UBA5: variants seen among roughly 807,000 people sequenced by gnomAD.
UBA5 encodes ubiquitin-like modifier-activating enzyme 5.
A neutral mutation model predicts 52.9 loss-of-function variants in UBA5; 28 were observed. The observed-to-expected ratio is 0.53, with a 90% CI of 0.39 to 0.73. The LOEUF (loss-of-function observed/expected upper bound fraction) is 0.73, where lower values mean the gene tolerates loss of function less well. Ranked by LOEUF, UBA5 falls within the 30% of genes least tolerant of loss-of-function variation. UBA5 has a pLI of 0.00. For missense variants in UBA5, 388 were observed against 492.7 expected, an observed-to-expected ratio of 0.79 and a Z score of 2.01; for synonymous variants, 135 against 162.1, an observed-to-expected ratio of 0.83 and a Z score of 1.27.
intron 5 of UBA5, 183 bp from the exon 6 acceptor site, chr3:132,670,782 T>C (rs1212403120): frequency 2.4e-6 from 1 of 411,318 alleles, no homozygotes; most frequent in East Asian, 4.2e-5. Flanking sequence ...GTATCATTGA[T>C]GTTATATTCA....
At chr3:132,659,858 G>T, upstream of UBA5, 1 of 1,384,260 alleles carries the variant, frequency 7.2e-7, no homozygotes, top group Non-Finnish European at 9.5e-7. Context: ...AGGCCGGGGT[G>T]GGGTCTGGCT....
At chr3:132,659,554 C>T, upstream of UBA5, 1 of 1,606,122 alleles carries the variant, frequency 6.2e-7, no homozygotes, top group Non-Finnish European at 8.5e-7. Context: ...GGAAGGAAAA[C>T]TCAATGTACA....
At chr3:132,665,926 C>G (rs368560312) in intron 2 of UBA5, 58 bp downstream of exon 2, 28 of 1,610,014 alleles carry the variant, frequency 1.7e-5, no homozygotes, top group Non-Finnish European at 2.3e-5. Context: ...AAAATAACTT[C>G]TGGTGACATA....
rs1938576892 is a variant in UBA5, at chr3:132,671,007, T to C, written c.537T>C (p.Leu179=). ...LEEGKPVDLV[L]SCVDNFEARM... ...AAGGAAAACCTGTTGATCTAGTTCT[T>C]AGCTGTGTGGACAATTTTGAAGCTC... is the stretch of plus-strand genomic sequence containing the variant. Residue 179 remains leucine (L), a synonymous_variant, in exon 6 of 12, where the codon CTT becomes CTC. Transcript: ENST00000356232. The C allele has an allele frequency of 6.2e-7, 1 of 1,613,436 alleles. No homozygotes were observed. The highest frequency in any genetic ancestry group is 8.5e-7 in the Non-Finnish European group (1 of 1,179,554).
In UBA5 at chr3:132,676,261, CAA is replaced by C. The variant is rs529636185; in HGVS notation, c.1132-179_1132-178del. Among the ~76,000 whole-genome samples the C allele has an allele frequency of 5.8e-4, 88 of 152,126 alleles. No homozygotes were observed. The East Asian group carries it at 0.016, about 28-fold the overall frequency. On this transcript the variant is annotated intron_variant, in intron 11 of 11. Transcript: ENST00000356232. The surrounding 1 kb of genome is among the most constrained non-coding windows in gnomAD (Gnocchi z 4.1). ...ATATTGAAATTACTGCCTTGTAAAT[CAA>C]AAGACTGGTGAGGAATGTAAAAGAC... is the stretch of plus-strand genomic sequence containing the variant.
chr3:132,671,584 G>C (rs1938604320), intron 6 of UBA5, among the ~76,000 whole-genome samples, 193 bp from the exon 7 acceptor site: 1 of 152,104 alleles, frequency 6.6e-6, no homozygotes, highest in Non-Finnish European at 1.5e-5. Flanking sequence ...ACTGCGTCTT[G>C]AATACTGTCA....
chr3:132,671,755 G>T (rs375676035), intron 6 of UBA5, 22 bp from the exon 7 acceptor site: 13 of 1,558,512 alleles, frequency 8.3e-6, no homozygotes, highest in Admixed American at 5.9e-5. Context: ...TTTTCCTTAT[G>T]TTTTCACCCA....
chr3:132,677,364 A>G lies in UBA5; in HGVS notation c.*838A>G, dbSNP rs140851958. ...TCTTTAGGCTACTCCTGGATACTTCATTTAAATTTGATTTTCGAGGTAGTG... is the reference window on the plus strand; with the variant it reads ...TCTTTAGGCTACTCCTGGATACTTCGTTTAAATTTGATTTTCGAGGTAGTG... On this transcript the variant is annotated 3_prime_UTR_variant, in exon 12 of 12. Coordinates refer to ENST00000356232, the MANE Select transcript of UBA5 (RefSeq NM_024818.6). 184 of 153,894 alleles carry G rather than the reference A, an allele frequency of 1.2e-3. 1 individual carries two copies. Among genetic ancestry groups the G allele is most frequent in the African/African-American group, 3.8e-3 (157 of 41,592 alleles). The allele number at this position is 153,894 out of a possible 1,614,324, so 9.5% of individuals were successfully genotyped here.
In UBA5 at chr3:132,679,035, T is replaced by C. The variant is rs1015684518; in HGVS notation, c.*2509T>C. ...CTGTAATCTCAGCACTTTGGGAGGC[T>C]GAGGTGGGTAGGTCAAGAGGTCAGG... is the stretch of plus-strand genomic sequence containing the variant. On this transcript the variant is annotated 3_prime_UTR_variant, in exon 12 of 12. Transcript: ENST00000356232. Among the ~76,000 whole-genome samples, 7 of 151,774 alleles carry C rather than the reference T, an allele frequency of 4.6e-5. No homozygotes were observed. Among genetic ancestry groups the C allele is most frequent in the African/African-American group, 1.7e-4 (7 of 41,330 alleles).
At position 132,665,859 on chromosome 3, in the gene UBA5, C is replaced by A; in HGVS notation, c.198C>A (p.Ser66Arg). ...CATTGAAACGAATGGGAATTGTAAG[C>A]GACTATGAGGTATGATAAACCCTTT... Reference protein sequence around the residue: ...LMALKRMGIVSDYEKIRTFAV... With the variant: ...LMALKRMGIVRDYEKIRTFAV... The change falls in exon 2 of 12, where the codon AGC (serine) becomes AGA (arginine). Residue 66 changes from serine to arginine, a missense_variant. Physicochemically the swap from Ser to Arg is moderately radical, Grantham distance 110. Transcript: ENST00000356232. 1 of 1,613,334 alleles carries A rather than the reference C, an allele frequency of 6.2e-7. No individual in the cohort carries two copies. Among genetic ancestry groups the A allele is most frequent in the South Asian group, 1.1e-5 (1 of 91,030 alleles).
At chr3:132,675,132 T>C in intron 8 of UBA5, 116 bp from the exon 9 acceptor site, 1 of 769,432 alleles carries the variant, frequency 1.3e-6, no homozygotes, top group Non-Finnish European at 2.0e-6. Context: ...ATTTCTGTTT[T>C]CTGGTTAAAA....
intron 8 of UBA5, among the ~76,000 whole-genome samples, chr3:132,674,622 G>A (rs1403598923): frequency 1.3e-5 from 2 of 152,188 alleles, no homozygotes; most frequent in Admixed American, 6.5e-5. Context: ...CTGGGAGGGC[G>A]AGGCTACAGT....
At chr3:132,665,340 A>G (rs77793962) in intron 1 of UBA5, among the ~76,000 whole-genome samples, 4,153 of 152,160 alleles carry the variant, frequency 0.027, 167 homozygotes, top group African/African-American at 0.093. Flanking sequence ...GATTACCAGT[A>G]ACTAGTTAAA....
chr3:132,659,668 G>A (rs1015427610), upstream of UBA5: 1 of 1,611,620 alleles, frequency 6.2e-7, no homozygotes, highest in Non-Finnish European at 8.5e-7. Flanking sequence ...GCTGGTTTAG[G>A]TAGGCCTCCA....
Position 132,679,776 on chromosome 3 carries a change from T to TAACA in UBA5, c.*3251_*3254dup, listed in dbSNP as rs550388174. Among the ~76,000 whole-genome samples, 882 of 152,346 alleles carry TAACA rather than the reference T, an allele frequency of 5.8e-3. 7 individuals are homozygous for TAACA. The highest frequency in any genetic ancestry group is 0.02 in the African/African-American group (829 of 41,576). ...CACTAAATAATCAAATTCTAAGCTCTAACAGCTTAATTCTAAAATCATTGT... is the reference window on the plus strand; with the variant it reads ...CACTAAATAATCAAATTCTAAGCTCTAACAAACAGCTTAATTCTAAAATCATTGT... On this transcript the variant is annotated 3_prime_UTR_variant, in exon 12 of 12. Coordinates refer to ENST00000356232, the MANE Select transcript of UBA5 (RefSeq NM_024818.6).
In UBA5 at chr3:132,660,528, A is replaced by G; in HGVS notation, c.-10A>G. The G allele has an allele frequency of 6.5e-7, 1 of 1,547,886 alleles. No individual in the cohort carries two copies. Among genetic ancestry groups the G allele is most frequent in the Non-Finnish European group, 8.7e-7 (1 of 1,146,706 alleles). On this transcript the variant is annotated 5_prime_UTR_variant, in exon 1 of 12. Coordinates refer to ENST00000356232, the MANE Select transcript of UBA5 (RefSeq NM_024818.6). This position sits in a 1 kb window ranked among gnomAD's most constrained non-coding sequence, Gnocchi z 4.1. ...CCGGGCTGGGAGCGTTGGCGGCCGGAGTCCCAGCCATGGCGGAGTCTGTGG... is the reference window on the plus strand; with the variant it reads ...CCGGGCTGGGAGCGTTGGCGGCCGGGGTCCCAGCCATGGCGGAGTCTGTGG...
At position 132,660,657 on chromosome 3, in the gene UBA5, C is replaced by T; in HGVS notation, c.120C>T (p.Ile40=). ...SGDGGGGRVR[I]EKMSSEVVDS... Reference sequence around the variant, plus strand: ...ACGGAGGGGGCGGCCGGGTCCGCATCGAGAAGATGAGCTCAGAGGTGGTGG... The same window carrying T: ...ACGGAGGGGGCGGCCGGGTCCGCATTGAGAAGATGAGCTCAGAGGTGGTGG... The change falls in exon 1 of 12, where the codon ATC becomes ATT. Residue 40 remains isoleucine, a synonymous_variant. Coordinates refer to ENST00000356232, the MANE Select transcript of UBA5 (RefSeq NM_024818.6). The surrounding 1 kb of genome is among the most constrained non-coding windows in gnomAD (Gnocchi z 4.1). The T allele has an allele frequency of 3.8e-6, 6 of 1,575,054 alleles. No individual in the cohort carries two copies. Among genetic ancestry groups the T allele is most frequent in the Non-Finnish European group, 5.2e-6 (6 of 1,160,870 alleles).
At chr3:132,656,934 G>A (rs900395895), upstream of UBA5, among the ~76,000 whole-genome samples, 2 of 151,402 alleles carry the variant, frequency 1.3e-5, no homozygotes, top group Admixed American at 6.6e-5. Flanking sequence ...TTTTTCTGGT[G>A]AGCTATTATA....
intron 5 of UBA5, 103 bp downstream of exon 5, chr3:132,670,387 A>G: frequency 1.8e-6 from 1 of 546,716 alleles, no homozygotes; most frequent in East Asian, 3.4e-5. Context: ...AGATTGATAT[A>G]TATTTTTCCA....
Sources: allele counts gnomAD v4.1 joint callset (sites outside exome capture counted in the v4.1 genomes callset), GRCh38; gene constraint gnomAD v4.1.1; non-coding constraint Gnocchi (gnomAD v3.1); transcripts MANE v1.5; gene names NCBI Gene and HGNC (gene_info 2026-07-23, HGNC 2026-07-21).